Variants in BTD observed in about 807,000 individuals in gnomAD.
The protein encoded by BTD is biocytinase.
A neutral mutation model predicts 17.7 loss-of-function variants in BTD; 13 were observed. That is an observed-to-expected ratio of 0.74 (90% CI 0.48 to 1.17). BTD has a LOEUF of 1.17. Ranked by LOEUF, BTD falls within the 50% of genes most tolerant of loss-of-function variation. BTD has a pLI of 0.00. For synonymous variants in BTD, 240 were observed against 245.2 expected (o/e 0.98, Z 0.20); for missense variants, 674 against 650.4 (o/e 1.04, Z -0.39).
chr3:15,644,826 G>A lies in BTD; in HGVS notation c.910G>A (p.Asp304Asn), dbSNP rs1381149541. Residue 304 changes from aspartate (D) to asparagine (N), a missense_variant, in exon 4 of 4, where the codon GAC becomes AAC. By Grantham distance (23) the Asp-to-Asn change is conservative. Transcript: ENST00000643237. ...HTPLESFWYH[D>N]MENPKSHLII... ...CCCTCTGGAGTCCTTTTGGTACCAT[G>A]ACATGGAAAATCCCAAAAGTCACCT... 1 of 1,614,058 alleles carries A rather than the reference G, an allele frequency of 6.2e-7. No homozygotes were observed. Among genetic ancestry groups the A allele is most frequent in the Non-Finnish European group, 8.5e-7 (1 of 1,180,038 alleles).
chr3:15,608,926 A>C (rs1278261964), intron 1 of BTD, among the ~76,000 whole-genome samples: 2 of 152,166 alleles, frequency 1.3e-5, no homozygotes, highest in African/African-American at 2.4e-5. Flanking sequence ...ATTAGCATTC[A>C]TTACAGCCCT....
rs556512605 is a variant in BTD at position 15,643,961 on chromosome 3, A to G, written c.400-355A>G. Reference sequence around the variant, plus strand: ...GCAAAAGGAAGGATTTTAAAAACTCATTTATTTAATTTATTTATTTATTTA... The same window carrying G: ...GCAAAAGGAAGGATTTTAAAAACTCGTTTATTTAATTTATTTATTTATTTA... On this transcript the variant is annotated intron_variant, in intron 3 of 3. Transcript: ENST00000643237. 8.9e-4 allele frequency among the ~76,000 whole-genome samples: 94 copies of G among 105,534 alleles called. 1 individual carries two copies. In the Admixed American group the frequency reaches 9.8e-3, roughly 11 times the overall value. 69.2% of individuals were successfully genotyped at this position (105,534 alleles called of 152,430 possible).
intron 3 of BTD, chr3:15,690,131 T>C: frequency 6.2e-7 from 1 of 1,610,748 alleles, no homozygotes; most frequent in Non-Finnish European, 8.5e-7. Flanking sequence ...CTGCAAGATC[T>C]AGGGGTGTTC....
At chr3:15,711,577 G>T (rs1426220408) in exon 4 of BTD, among the ~76,000 whole-genome samples, 1 of 152,204 alleles carries the variant, frequency 6.6e-6, no homozygotes, top group African/African-American at 2.4e-5. Context: ...TTCAGAACAG[G>T]CAAATTTTAT....
In BTD at chr3:15,648,638, T is replaced by G. The variant is rs2065746861; in HGVS notation, c.*3150T>G. Among the ~76,000 whole-genome samples, 1 of 152,224 alleles carries G rather than the reference T, an allele frequency of 6.6e-6. No individual in the cohort carries two copies. The highest frequency in any genetic ancestry group is 6.5e-5 in the Admixed American group (1 of 15,284). On this transcript the variant is annotated 3_prime_UTR_variant, in exon 4 of 4. Coordinates refer to ENST00000643237, the MANE Select transcript of BTD (RefSeq NM_001370658.1). ...CAGCCGGTTGAAGGCCTCACTGGAT[T>G]TGGAGAATATTATTGATTAAATTGC... is the stretch of plus-strand genomic sequence containing the variant.
intron 1 of BTD, among the ~76,000 whole-genome samples, chr3:15,621,896 G>A (rs181518016): frequency 2.8e-4 from 43 of 152,228 alleles, no homozygotes; most frequent in African/African-American, 5.5e-4. Context: ...CACTGTGCCC[G>A]GACATCAGTT....
intron 3 of BTD, among the ~76,000 whole-genome samples, chr3:15,706,699 C>T (rs2071480453): frequency 6.6e-6 from 1 of 152,264 alleles, no homozygotes; most frequent in Middle Eastern, 3.4e-3. Flanking sequence ...AGTTTATAGT[C>T]CCACCAACAG....
intron 1 of BTD, among the ~76,000 whole-genome samples, chr3:15,614,111 C>CTCTT (rs1007892577): frequency 6.8e-6 from 1 of 146,046 alleles, no homozygotes; most frequent in South Asian, 2.1e-4. Flanking sequence ...TATTTTCTCC[C>CTCTT]TCTTTCTTTC....
chr3:15,716,478 G>T (rs763477287), downstream of BTD, among the ~76,000 whole-genome samples: 1 of 151,520 alleles, frequency 6.6e-6, no homozygotes, highest in East Asian at 2.0e-4. Flanking sequence ...TGTAGAGATG[G>T]TCTCTAAGTT....
At chr3:15,607,341 C>T (rs942604116) in intron 1 of BTD, among the ~76,000 whole-genome samples, 3 of 152,152 alleles carry the variant, frequency 2.0e-5, no homozygotes, top group Non-Finnish European at 2.9e-5. Flanking sequence ...AATCTGCATA[C>T]CAATTACTCT....
At chr3:15,687,728 C>T (rs1384320095) in intron 3 of BTD, among the ~76,000 whole-genome samples, 1 of 152,184 alleles carries the variant, frequency 6.6e-6, no homozygotes, top group Non-Finnish European at 1.5e-5. Flanking sequence ...GTATGCTGCA[C>T]TCTGCCAGCA....
intron 1 of BTD, among the ~76,000 whole-genome samples, chr3:15,602,853 A>T (rs1260299797): frequency 6.6e-6 from 1 of 152,236 alleles, no homozygotes; most frequent in South Asian, 2.1e-4. Context: ...GTCCATTTTC[A>T]TACTGCTATA....
chr3:15,611,608 T>G (rs1253678901), intron 1 of BTD, among the ~76,000 whole-genome samples: 3 of 152,044 alleles, frequency 2.0e-5, no homozygotes, highest in African/African-American at 7.2e-5. Flanking sequence ...ATTGTTGGCA[T>G]GGTTTAGTTT....
chr3:15,711,276 T>A, exon 4 of BTD: 1 of 1,607,604 alleles, frequency 6.2e-7, no homozygotes, highest in Non-Finnish European at 8.5e-7. Context: ...TATCAAATCC[T>A]ACAAGAATGA....
chr3:15,635,479 G>T lies in BTD; in HGVS notation c.40G>T (p.Gly14Cys). The T allele has an allele frequency of 6.2e-7, 1 of 1,613,342 alleles. No homozygotes were observed. Among genetic ancestry groups the T allele is most frequent in the Non-Finnish European group, 8.5e-7 (1 of 1,179,404 alleles). Residue 14 changes from glycine to cysteine, a missense_variant, in exon 2 of 4, where the codon GGC (glycine) becomes TGC (cysteine). Physicochemically the swap from Gly to Cys is radical, Grantham distance 159 (BLOSUM62 -3). Transcript: ENST00000643237. This position sits in a 1 kb window ranked among gnomAD's most constrained non-coding sequence, Gnocchi z 4.1. ...ARSKLALFLC[G>C]CYVVALGAHT... The stretch of plus-strand genomic sequence containing the variant: ...AAGTAAGCTTGCTCTTTTCCTCTGC[G>T]GCTGTTACGTGGTTGCCCTGGGAGC...
At chr3:15,605,728 A>G (rs1425646935) in intron 1 of BTD, among the ~76,000 whole-genome samples, 2 of 152,188 alleles carry the variant, frequency 1.3e-5, no homozygotes, top group Non-Finnish European at 2.9e-5. Context: ...CTTACCTGTC[A>G]AGTAAAATTG....
intron 1 of BTD, among the ~76,000 whole-genome samples, chr3:15,607,733 C>T (rs2064497828): frequency 6.6e-6 from 1 of 151,912 alleles, no homozygotes; most frequent in Non-Finnish European, 1.5e-5. Flanking sequence ...ATGAAATTGC[C>T]TGACATAAGA....
Position 15,645,841 on chromosome 3 carries a change from T to G in BTD, c.*353T>G, listed in dbSNP as rs992758252. On this transcript the variant is annotated 3_prime_UTR_variant, in exon 4 of 4. Coordinates refer to ENST00000643237, the MANE Select transcript of BTD (RefSeq NM_001370658.1). ...CCACAAAGCAGTGGCTTGGGGTTTTTTTTTTTTTTTTTATCTTGTTGATCA... is the reference window on the plus strand; with the variant it reads ...CCACAAAGCAGTGGCTTGGGGTTTTGTTTTTTTTTTTTATCTTGTTGATCA... 5.8e-5 allele frequency: 11 copies of G among 190,198 alleles called. No individual in the cohort carries two copies. The highest frequency in any genetic ancestry group is 1.7e-4 in the Admixed American group (3 of 17,954). 11.8% of individuals were successfully genotyped at this position (190,198 alleles called of 1,614,324 possible). A position where few individuals can be genotyped will look rare whatever the true frequency, so the allele number is the denominator to read the frequency against.
exon 4 of BTD, chr3:15,712,206 T>C (rs1409202467): frequency 2.5e-6 from 4 of 1,582,640 alleles, no homozygotes; most frequent in East Asian, 2.3e-5. Flanking sequence ...AGGGGGAACA[T>C]TCCATGTATG....
Sources: gnomAD v4.1 joint callset for allele counts (sites outside exome capture counted in the v4.1 genomes callset) on GRCh38, gnomAD v4.1.1 for gene constraint, Gnocchi (gnomAD v3.1) non-coding constraint, MANE v1.5 for transcripts, NCBI Gene and HGNC (gene_info 2026-07-23, HGNC 2026-07-21) for gene names.